The following NSG1 variants were observed in gnomAD, a reference collection of about 807,000 sequenced individuals.
NSG1 encodes neuronal vesicle trafficking-associated protein 1.
In NSG1, 9 loss-of-function variants were observed where a neutral mutation model predicts 19.3. The observed-to-expected ratio is 0.47, with a 90% CI of 0.28 to 0.81. The LOEUF (loss-of-function observed/expected upper bound fraction) is 0.81, where lower values mean the gene tolerates loss of function less well. NSG1 is among the 40% of genes least tolerant of loss of function. The pLI is 0.11. For synonymous variants in NSG1, 104 were observed against 107.0 expected (o/e 0.97, Z 0.17); for missense variants, 236 against 242.4 (o/e 0.97, Z 0.18).
chr4:4,398,830 G>A (rs958403464), intron 3 of NSG1, among the ~76,000 whole-genome samples: 1 of 152,176 alleles, frequency 6.6e-6, no homozygotes, highest in South Asian at 2.1e-4. Flanking sequence ...GGGCTGTGTG[G>A]TAATTTGATA....
intron 3 of NSG1, among the ~76,000 whole-genome samples, chr4:4,403,740 T>A (rs1231765994): frequency 6.6e-6 from 1 of 152,194 alleles, no homozygotes; most frequent in East Asian, 1.9e-4. Context: ...GTTTCCCCAT[T>A]TGTAAAACAC....
chr4:4,411,771 A>ACACAACACAACACAACACAACACAAC (rs1560147702), intron 4 of NSG1, among the ~76,000 whole-genome samples: 1,400 of 118,442 alleles, frequency 0.012, 33 homozygotes, highest in African/African-American at 0.055. Context: ...AACAAAACAA[A>ACACAACACAACACAACACAACACAAC]ACAAAACAAA....
At chr4:4,414,196 C>T (rs542153357) in intron 4 of NSG1, among the ~76,000 whole-genome samples, 11 of 152,010 alleles carry the variant, frequency 7.2e-5, no homozygotes, top group South Asian at 4.2e-4. Context: ...GCCCAAGTCC[C>T]GCTGGATACC....
intron 3 of NSG1, among the ~76,000 whole-genome samples, chr4:4,408,837 A>G (rs1280126220): frequency 6.6e-6 from 1 of 152,148 alleles, no homozygotes; most frequent in East Asian, 1.9e-4. Flanking sequence ...GTCCAGGTCC[A>G]GTGTCATCTA....
intron 2 of NSG1, among the ~76,000 whole-genome samples, chr4:4,389,340 C>T (rs1024970833): frequency 1.3e-5 from 2 of 152,164 alleles, no homozygotes; most frequent in Admixed American, 1.3e-4. Context: ...TGCAAGCGTC[C>T]GAAGCGGGGC....
chr4:4,399,417 A>ACAGGTGGCC (rs1723431426), intron 3 of NSG1, among the ~76,000 whole-genome samples: 1 of 148,608 alleles, frequency 6.7e-6, no homozygotes, highest in Non-Finnish European at 1.5e-5. Context: ...TGCTGGGATT[A>ACAGGTGGCC]CAGGTGTGAG....
chr4:4,417,868 TTTC>T lies in NSG1; in HGVS notation c.*437_*439del, dbSNP rs1484314705. ...GTGCTAAGAGCAAGCCTACTTCGCA[TTTC>T]TTCCTCGGCCATCAGCGGGTAACAG... On this transcript the variant is annotated 3_prime_UTR_variant, in exon 5 of 5. Transcript: ENST00000621129. 2 of 247,710 alleles carry T rather than the reference TTTC, an allele frequency of 8.1e-6. No homozygotes were observed. Among genetic ancestry groups the T allele is most frequent in the African/African-American group, 4.7e-5 (2 of 42,996 alleles). The allele number at this position is 247,710 out of a possible 1,614,324, so 15.3% of individuals were successfully genotyped here.
At chr4:4,397,498 C>T (rs13141567) in intron 3 of NSG1, among the ~76,000 whole-genome samples, 1 of 152,234 alleles carries the variant, frequency 6.6e-6, no homozygotes, top group African/African-American at 2.4e-5. Context: ...CCTGTGGACC[C>T]TGAGCTGGGC....
In NSG1 at chr4:4,409,491, G is replaced by A. The variant is rs539262619; in HGVS notation, c.247-82G>A. 1.7e-5 allele frequency: 17 copies of A among 986,616 alleles called. No homozygotes were observed. In the East Asian group the frequency reaches 2.6e-4, roughly 15 times the overall value. The allele number at this position is 986,616 out of a possible 1,614,324, so 61.1% of individuals were successfully genotyped here. ...GATAGTCTCTGCACATGCTGTGTGG[G>A]GGGGGGCCTTCGTGTGCGGGTGTGT... On this transcript the variant is annotated intron_variant, in intron 3 of 4. Coordinates refer to ENST00000621129, the MANE Select transcript of NSG1 (RefSeq NM_014392.5).
At chr4:4,409,818 C>A in intron 4 of NSG1, 135 bp downstream of exon 4, 1 of 700,446 alleles carries the variant, frequency 1.4e-6, no homozygotes, top group Non-Finnish European at 2.5e-6. Flanking sequence ...GGGCCAGTGT[C>A]AGGAGTGTCC....
rs192706902 is a variant in NSG1, at chr4:4,411,016, C to T, written c.357+1333C>T. Among the ~76,000 whole-genome samples the T allele has an allele frequency of 3.5e-4, 54 of 152,146 alleles. No individual in the cohort carries two copies. The East Asian group carries it at 3.7e-3, about 10-fold the overall frequency. On this transcript the variant is annotated intron_variant, in intron 4 of 4. Coordinates refer to ENST00000621129, the MANE Select transcript of NSG1 (RefSeq NM_014392.5). ...GGGATTATAGGTGTGCGCCACCACC[C>T]GGCTAATTTTTGTATTTTTAGTAGA...
chr4:4,399,470 T>C (rs1723433681), intron 3 of NSG1, among the ~76,000 whole-genome samples: 1 of 140,274 alleles, frequency 7.1e-6, no homozygotes. Flanking sequence ...TTGTAAGAGT[T>C]CCTTATATAT....
chr4:4,413,060 G>C (rs907069091), intron 4 of NSG1, among the ~76,000 whole-genome samples: 4 of 149,302 alleles, frequency 2.7e-5, no homozygotes, highest in Non-Finnish European at 6.0e-5. Flanking sequence ...TCCTCCCTTG[G>C]GCAGGCATGT....
At position 4,411,771 on chromosome 4, in the gene NSG1, A is replaced by C. The variant is rs78991681; in HGVS notation, c.357+2088A>C. On this transcript the variant is annotated intron_variant, in intron 4 of 4. Transcript: ENST00000621129. ...AACAAAACAAAACAAAACAAAACAA[A>C]ACAAAACAAAACAAAACAAAACATT... is the stretch of plus-strand genomic sequence containing the variant. Among the ~76,000 whole-genome samples, 179 of 118,472 alleles carry C rather than the reference A, an allele frequency of 1.5e-3. 1 individual carries two copies. The highest frequency in any genetic ancestry group is 6.8e-3 in the African/African-American group (160 of 23,506). 77.7% of individuals were successfully genotyped at this position (118,472 alleles called of 152,430 possible). A position where few individuals can be genotyped will look rare whatever the true frequency, so the allele number is the denominator to read the frequency against.
chr4:4,399,185 G>A (rs954833087), intron 3 of NSG1, among the ~76,000 whole-genome samples: 4 of 151,984 alleles, frequency 2.6e-5, no homozygotes, highest in Admixed American at 6.6e-5. Context: ...CTCTGTCGCC[G>A]AGGCTGGAGT....
At chr4:4,410,474 G>A (rs942319511) in intron 4 of NSG1, among the ~76,000 whole-genome samples, 2 of 152,212 alleles carry the variant, frequency 1.3e-5, no homozygotes, top group African/African-American at 4.8e-5. Context: ...GGCCCAGCCT[G>A]CTACACACCC....
At chr4:4,414,113 A>AT (rs754412245) in intron 4 of NSG1, among the ~76,000 whole-genome samples, 3 of 151,982 alleles carry the variant, frequency 2.0e-5, no homozygotes, top group Non-Finnish European at 2.9e-5. Flanking sequence ...TTCCTGGCTC[A>AT]TCCTCTCTGA....
chr4:4,414,139 C>T (rs1036621079), intron 4 of NSG1, among the ~76,000 whole-genome samples: 14 of 152,040 alleles, frequency 9.2e-5, no homozygotes, highest in Non-Finnish European at 1.6e-4. Context: ...GAGCAGGTTC[C>T]CCACAGGGAG....
intron 3 of NSG1, among the ~76,000 whole-genome samples, chr4:4,394,084 T>A (rs1225275392): frequency 6.6e-6 from 1 of 152,168 alleles, no homozygotes; most frequent in African/African-American, 2.4e-5. Flanking sequence ...GGCGCCCTTA[T>A]AGCTCCATTT....
Sources: allele counts gnomAD v4.1 joint callset (sites outside exome capture counted in the v4.1 genomes callset), GRCh38; gene constraint gnomAD v4.1.1; transcripts MANE v1.5; gene names NCBI Gene and HGNC (gene_info 2026-07-23, HGNC 2026-07-21).